Variants in FBXL19 observed in about 807,000 individuals in gnomAD.
FBXL19 encodes the protein F-box and leucine rich repeat protein 19.
Under a neutral mutation model 71.2 loss-of-function variants are expected in FBXL19, and 16 were observed. The observed-to-expected ratio is 0.22, with a 90% CI of 0.15 to 0.34. The LOEUF (loss-of-function observed/expected upper bound fraction) is 0.34, where lower values mean the gene tolerates loss of function less well. Among genes scored for constraint, FBXL19 ranks in the 10% least tolerant of loss-of-function variants. The pLI, the probability that FBXL19 is intolerant of heterozygous loss-of-function variation, is 1.00. For synonymous variants in FBXL19, 447 were observed against 409.4 expected (o/e 1.09, Z -1.11); for missense variants, 658 against 968.2 (o/e 0.68, Z 4.25).
chr16:30,936,158 C>T (rs975165774), intron 7 of FBXL19, among the ~76,000 whole-genome samples: 5 of 152,214 alleles, frequency 3.3e-5, no homozygotes, highest in African/African-American at 4.8e-5. Context: ...AGTGACTTGC[C>T]TGAGGCCCCC....
chr16:30,937,692 G>A (rs984933219), intron 7 of FBXL19, among the ~76,000 whole-genome samples: 5 of 152,174 alleles, frequency 3.3e-5, no homozygotes, highest in Non-Finnish European at 7.3e-5. Flanking sequence ...TGGCATTTCT[G>A]GCAGAGGCAC....
intron 9 of FBXL19, among the ~76,000 whole-genome samples, chr16:30,944,391 G>A (rs1180995327): frequency 1.3e-5 from 2 of 151,696 alleles, no homozygotes; most frequent in Non-Finnish European, 2.9e-5. Flanking sequence ...TTGTTCCCAT[G>A]GATGTGTCCA....
At chr16:30,928,398 T>TA in intron 5 of FBXL19, 69 bp from the exon 6 acceptor site, 1 of 1,427,022 alleles carries the variant, frequency 7.0e-7, no homozygotes, top group Admixed American at 2.8e-5. Context: ...GCATGGACCT[T>TA]AGATTTCTGG....
At position 30,948,768 on chromosome 16, in the gene FBXL19, A is replaced by G. The variant is rs1355087578; in HGVS notation, c.*1538A>G. 6.6e-6 allele frequency: 1 copy of G among 152,492 alleles called. No individual in the cohort carries two copies. Among genetic ancestry groups the G allele is most frequent in the Non-Finnish European group, 1.5e-5 (1 of 68,276 alleles). The allele number at this position is 152,492 out of a possible 1,614,324, so 9.4% of individuals were successfully genotyped here. On this transcript the variant is annotated 3_prime_UTR_variant, in exon 11 of 11. Transcript: ENST00000338343. ...ACAATACGGTTTGCTATAAAACTCA[A>G]AATCTTCCAGCCGGGGCTGCGGAGT...
Position 30,935,839 on chromosome 16 carries a change from G to A in FBXL19, c.1301+5255G>A, listed in dbSNP as rs2055726350. ...GCTGGAGTCCAGGAGGAAGTGAATGGGTTAGGGGACTTTGGCATCAAGCCA... is the reference window on the plus strand; with the variant it reads ...GCTGGAGTCCAGGAGGAAGTGAATGAGTTAGGGGACTTTGGCATCAAGCCA... On this transcript the variant is annotated intron_variant, in intron 7 of 10. Coordinates refer to ENST00000338343, the MANE Select transcript of FBXL19 (RefSeq NM_001382779.1). 2.0e-5 allele frequency among the ~76,000 whole-genome samples: 3 copies of A among 152,084 alleles called. 1 individual carries two copies. The highest frequency in any genetic ancestry group is 4.4e-5 in the Non-Finnish European group (3 of 67,998).
At chr16:30,938,381 C>T (rs866967427) in intron 7 of FBXL19, among the ~76,000 whole-genome samples, 1 of 152,070 alleles carries the variant, frequency 6.6e-6, no homozygotes, top group South Asian at 2.1e-4. Flanking sequence ...CTAAGCATAC[C>T]TGTGGTCCCA....
In FBXL19 at chr16:30,938,512, A is replaced by G. The variant is rs546852416; in HGVS notation, c.1302-3604A>G. ...CAGTGAGACTTTGTCTGAAAAAAAT[A>G]ATGAAATGACACACTGGGCCTCTGG... is the stretch of plus-strand genomic sequence containing the variant. On this transcript the variant is annotated intron_variant, in intron 7 of 10. Coordinates refer to ENST00000338343, the MANE Select transcript of FBXL19 (RefSeq NM_001382779.1). Among the ~76,000 whole-genome samples the G allele has an allele frequency of 1.6e-4, 24 of 152,236 alleles. No homozygotes were observed. In the East Asian group the frequency reaches 4.4e-3, roughly 28 times the overall value.
chr16:30,931,749 C>T (rs987471328), intron 7 of FBXL19, among the ~76,000 whole-genome samples: 6 of 151,950 alleles, frequency 3.9e-5, no homozygotes, highest in East Asian at 3.9e-4. Flanking sequence ...TTTTTTAAGA[C>T]GGAGCCTCAC....
chr16:30,928,319 G>C (rs1312079905), intron 5 of FBXL19, 148 bp from the exon 6 acceptor site: 1 of 859,842 alleles, frequency 1.2e-6, no homozygotes, highest in Non-Finnish European at 1.7e-6. Context: ...AGGACGCTGG[G>C]TGCAAGGTGA....
rs1281724053 is a variant in FBXL19 at position 30,948,267 on chromosome 16, T to A, written c.*1037T>A. The A allele has an allele frequency of 2.0e-5, 3 of 153,758 alleles. No individual in the cohort carries two copies. Among genetic ancestry groups the A allele is most frequent in the African/African-American group, 7.2e-5 (3 of 41,476 alleles). The allele number at this position is 153,758 out of a possible 1,614,324, so 9.5% of individuals were successfully genotyped here. ...CTCCAGCCTGGCTCTTCCCACTCTT[T>A]CATCGTCATGGAAACTTGTATCCCA... is the stretch of plus-strand genomic sequence containing the variant. On this transcript the variant is annotated 3_prime_UTR_variant, in exon 11 of 11. Transcript: ENST00000338343.
chr16:30,939,559 G>A (rs542737061), intron 7 of FBXL19, among the ~76,000 whole-genome samples: 2 of 150,910 alleles, frequency 1.3e-5, no homozygotes, highest in East Asian at 2.0e-4. Context: ...GACTACAGGC[G>A]CCCTCCACCA....
At chr16:30,943,007 C>T (rs1344244111) in intron 9 of FBXL19, among the ~76,000 whole-genome samples, 1 of 152,230 alleles carries the variant, frequency 6.6e-6, no homozygotes, top group Non-Finnish European at 1.5e-5. Context: ...TCTGTGCCCT[C>T]CTGCCAGGGT....
chr16:30,925,630 G>C lies in FBXL19; in HGVS notation c.-24-101G>C, dbSNP rs887533897. 53 of 1,270,196 alleles carry C rather than the reference G, an allele frequency of 4.2e-5. 3 individuals carry two copies. The South Asian group carries it at 8.7e-4, about 21-fold the overall frequency. 78.7% of individuals were successfully genotyped at this position (1,270,196 alleles called of 1,614,324 possible). A position where few individuals can be genotyped will look rare whatever the true frequency, so the allele number is the denominator to read the frequency against. The stretch of plus-strand genomic sequence containing the variant: ...GTGACCTCCTTGTCCCCCTGAGGAA[G>C]AGGGCAGGCTCTAGCTGCCTGTAGG... On this transcript the variant is annotated intron_variant, in intron 1 of 10. Transcript: ENST00000338343. The surrounding 1 kb of genome is among the most constrained non-coding windows in gnomAD (Gnocchi z 5.0).
rs2055655504 is a variant in FBXL19, at chr16:30,930,267, C to T, written c.984C>T (p.Gly328=). The change falls in exon 7 of 11, where the codon GGC becomes GGT. Residue 328 remains glycine, a synonymous_variant. Transcript: ENST00000338343. The surrounding 1 kb of genome is among the most constrained non-coding windows in gnomAD (Gnocchi z 8.5). ...GTSLSEDEAP[G]EARNGRRPAR... ...CGCTGAGTGAGGACGAAGCCCCCGG[C>T]GAGGCCCGGAATGGGCGACGGCCAG... is the stretch of plus-strand genomic sequence containing the variant. 1.2e-6 allele frequency: 2 copies of T among 1,612,720 alleles called. No homozygotes were observed. Among genetic ancestry groups the T allele is most frequent in the Non-Finnish European group, 1.7e-6 (2 of 1,179,760 alleles).
intron 7 of FBXL19, among the ~76,000 whole-genome samples, chr16:30,939,023 C>G (rs2055768837): frequency 6.6e-6 from 1 of 152,122 alleles, no homozygotes; most frequent in African/African-American, 2.4e-5. Context: ...AAAGCCACAG[C>G]AACACCTGGC....
chr16:30,932,510 C>T (rs1182276269), intron 7 of FBXL19, among the ~76,000 whole-genome samples: 1 of 152,220 alleles, frequency 6.6e-6, no homozygotes, highest in Non-Finnish European at 1.5e-5. Context: ...CAATGGCTCC[C>T]AGTGTGGGCC....
Position 30,927,735 on chromosome 16 carries a change from T to C in FBXL19, c.409-10T>C. 6.4e-7 allele frequency: 1 copy of C among 1,556,298 alleles called. No homozygotes were observed. The highest frequency in any genetic ancestry group is 8.7e-7 in the Non-Finnish European group (1 of 1,150,380). On this transcript the variant is annotated splice_polypyrimidine_tract_variant and intron_variant, in intron 4 of 10. Transcript: ENST00000338343. ...TGCAGGTCCTCACCCCCAGCTTCTGTCCCGCCTAGGATTCAGGTGAGGGGC... is the reference window on the plus strand; with the variant it reads ...TGCAGGTCCTCACCCCCAGCTTCTGCCCCGCCTAGGATTCAGGTGAGGGGC...
chr16:30,931,935 A>G, intron 7 of FBXL19, among the ~76,000 whole-genome samples: 1 of 145,260 alleles, frequency 6.9e-6, no homozygotes, highest in Non-Finnish European at 1.5e-5. Flanking sequence ...GAGACAGGGT[A>G]TCACCATGTT....
At chr16:30,928,702 T>G in intron 6 of FBXL19, 74 bp downstream of exon 6, 1 of 1,087,818 alleles carries the variant, frequency 9.2e-7, no homozygotes, top group Non-Finnish European at 1.1e-6. Flanking sequence ...CCAAGACCTG[T>G]CCCTTCCTGC....
Sources: allele counts gnomAD v4.1 joint callset (sites outside exome capture counted in the v4.1 genomes callset), GRCh38; gene constraint gnomAD v4.1.1; non-coding constraint Gnocchi (gnomAD v3.1); transcripts MANE v1.5; gene names NCBI Gene and HGNC (gene_info 2026-07-23, HGNC 2026-07-21).